Variants in CCAR2 observed in about 807,000 individuals in gnomAD.
The protein encoded by CCAR2 is cell cycle and apoptosis regulator protein 2.
CCAR2 carries 21 observed loss-of-function variants against 108.1 expected under a neutral mutation model. The observed-to-expected ratio is 0.19, with a 90% CI of 0.14 to 0.28. The LOEUF is 0.28. Ranked by LOEUF, CCAR2 falls within the 10% of genes least tolerant of loss-of-function variation. CCAR2 has a pLI of 1.00. For missense variants in CCAR2, 1,126 were observed against 1,177.0 expected, an observed-to-expected ratio of 0.96 and a Z score of 0.63; for synonymous variants, 577 against 472.8, an observed-to-expected ratio of 1.22 and a Z score of -2.86.
At position 22,618,979 on chromosome 8, in the gene CCAR2, C is replaced by T. The variant is rs923048155; in HGVS notation, c.2485C>T (p.Leu829=). 1.2e-6 allele frequency: 2 copies of T among 1,613,262 alleles called. No homozygotes were observed. The highest frequency in any genetic ancestry group is 1.1e-5 in the South Asian group (1 of 91,058). The change falls in exon 19 of 21, where the codon CTA becomes TTA. Residue 829 remains leucine (L), a synonymous_variant. Coordinates refer to ENST00000308511, the MANE Select transcript of CCAR2 (RefSeq NM_001393997.1). ...AEQQDSGRLY[L]ENKIHTLELK... is the part of the protein sequence containing the mutation. ...GCAGCAGGACAGCGGCCGGCTCTAC[C>T]TAGAGAACAAGATCCACACACTGGA...
In CCAR2 at chr8:22,618,894, A is replaced by G. The variant is rs1213430418; in HGVS notation, c.2400A>G (p.Lys800=). The G allele has an allele frequency of 1.2e-6, 2 of 1,613,854 alleles. No individual in the cohort carries two copies. The highest frequency in any genetic ancestry group is 1.6e-4 in the Middle Eastern group (1 of 6,084). Residue 800 remains lysine, a synonymous_variant, in exon 19 of 21, where the codon AAA becomes AAG. Transcript: ENST00000308511. The stretch of plus-strand genomic sequence containing the variant: ...CAGGTGCTGCCCCCACAGAACACAA[A>G]GCCTTGGTGTCCCACAATGGCAGCC... ...TKPGAAPTEH[K]ALVSHNGSLI...
rs772540215 is a variant in CCAR2 at position 22,615,676 on chromosome 8, T to C, written c.1378-6T>C. The C allele has an allele frequency of 6.2e-7, 1 of 1,613,774 alleles. No individual in the cohort carries two copies. The highest frequency in any genetic ancestry group is 1.7e-5 in the Admixed American group (1 of 60,008). ...CCAGAGGGTCTCATTTCAGCTGTTG[T>C]CACAGGAAACGGAGCCTACTGAACA... On this transcript the variant is annotated splice_region_variant and splice_polypyrimidine_tract_variant and intron_variant, in intron 12 of 20. Coordinates refer to ENST00000308511, the MANE Select transcript of CCAR2 (RefSeq NM_001393997.1).
downstream of CCAR2, chr8:22,620,735 T>C (rs1801760164): frequency 2.0e-5 from 3 of 152,386 alleles, no homozygotes; most frequent in Admixed American, 1.3e-4. Context: ...AAAATTTTAC[T>C]TGAAAAAATA....
chr8:22,619,349 G>A lies in CCAR2; in HGVS notation c.2721G>A (p.Val907=), dbSNP rs777644380. Residue 907 remains valine, a synonymous_variant, in exon 20 of 21, where the codon GTG becomes GTA. Transcript: ENST00000308511. ...TPLQLEIQRV[V]EKADSWVEKE... ...TGCAGCTGGAGATCCAGCGGGTGGT[G>A]GAAAAGGTAAGGTGGGGGTGGACCA... is the stretch of plus-strand genomic sequence containing the variant. The A allele has an allele frequency of 5.8e-6, 9 of 1,558,124 alleles. No individual in the cohort carries two copies. In the South Asian group the frequency reaches 9.5e-5, roughly 16 times the overall value.
chr8:22,614,336 A>G (rs201645003), intron 9 of CCAR2, 22 bp downstream of exon 9: 14 of 1,613,778 alleles, frequency 8.7e-6, no homozygotes, highest in African/African-American at 1.3e-5. Context: ...GGCGTCTCTC[A>G]CTTATCTGAT....
At chr8:22,609,603 C>G (rs1801203911) in intron 7 of CCAR2, among the ~76,000 whole-genome samples, 1 of 152,212 alleles carries the variant, frequency 6.6e-6, no homozygotes, top group Admixed American at 6.5e-5. Context: ...TGTTTACCCA[C>G]TCCTCTTGTC....
In CCAR2 at chr8:22,615,733, A is replaced by G. The variant is rs1475463660; in HGVS notation, c.1429A>G (p.Thr477Ala). The change falls in exon 13 of 21, where the codon ACT becomes GCT. Residue 477 changes from threonine to alanine, a missense_variant. This residue lies in a region of CCAR2 where 1,013 missense variants were observed against 993.9 expected (regional missense o/e 1.02). Coordinates refer to ENST00000308511, the MANE Select transcript of CCAR2 (RefSeq NM_001393997.1). ...TGATGCCTTGGAGCAAGCAGCAGACACTTCTAGACGGAACGCAGAAACTCC... is the reference window on the plus strand; with the variant it reads ...TGATGCCTTGGAGCAAGCAGCAGACGCTTCTAGACGGAACGCAGAAACTCC... The part of the protein sequence containing the change: ...APDALEQAAD[T>A]SRRNAETPEA... 12 of 1,613,634 alleles carry G rather than the reference A, an allele frequency of 7.4e-6. No homozygotes were observed. The African/African-American group carries it at 8.0e-5, about 11-fold the overall frequency.
chr8:22,621,430 C>T (rs763135160), downstream of CCAR2: 84 of 1,612,800 alleles, frequency 5.2e-5, no homozygotes, highest in Middle Eastern at 4.9e-4. Flanking sequence ...ATTCAGTCAT[C>T]GGCCACAATG....
At chr8:22,612,875 T>C in intron 7 of CCAR2, 142 bp from the exon 8 acceptor site, 2 of 867,918 alleles carry the variant, frequency 2.3e-6, no homozygotes, top group South Asian at 1.9e-5. Context: ...TATAACATTC[T>C]GTCATATGGC....
intron 7 of CCAR2, among the ~76,000 whole-genome samples, chr8:22,611,672 T>C (rs1801288710): frequency 6.6e-6 from 1 of 152,214 alleles, no homozygotes; most frequent in South Asian, 2.1e-4. Flanking sequence ...TGTGTATTTA[T>C]AAACAGTTTT....
chr8:22,612,975 A>G, intron 7 of CCAR2, 42 bp from the exon 8 acceptor site: 1 of 1,590,562 alleles, frequency 6.3e-7, no homozygotes, highest in Non-Finnish European at 8.5e-7. Context: ...GAATACATAT[A>G]ACAATGTGGT....
At chr8:22,613,917 C>T (rs1801393695) in intron 8 of CCAR2, 175 bp from the exon 9 acceptor site, 2 of 597,966 alleles carry the variant, frequency 3.3e-6, no homozygotes, top group Admixed American at 3.1e-5. Context: ...TGACTTTTGC[C>T]ATCTAGAGTT....
Position 22,612,807 on chromosome 8 carries a change from G to A in CCAR2, c.585-210G>A, listed in dbSNP as rs538331182. ...TACTGTGTATACAATGTTGCAGAGT[G>A]TGCTTTTTGCTTAACAGGAATGTTT... On this transcript the variant is annotated intron_variant, in intron 7 of 20. Transcript: ENST00000308511. 246 of 517,126 alleles carry A rather than the reference G, an allele frequency of 4.8e-4. 5 individuals carry two copies. In the East Asian group the frequency reaches 8.6e-3, roughly 18 times the overall value. The allele number at this position is 517,126 out of a possible 1,614,324, so 32.0% of individuals were successfully genotyped here.
At position 22,617,310 on chromosome 8, in the gene CCAR2, C is replaced by T. The variant is rs556977213; in HGVS notation, c.1846-110C>T. On this transcript the variant is annotated intron_variant, in intron 14 of 20. Transcript: ENST00000308511. ...GAAATGAGACGGTATCTGTAGAGCC[C>T]TCCATACAGTGCCTGGGGCATAGTT... 2.3e-4 allele frequency: 296 copies of T among 1,286,598 alleles called. 1 individual carries two copies. The East Asian group carries it at 6.3e-3, about 27-fold the overall frequency. The allele number at this position is 1,286,598 out of a possible 1,614,324, so 79.7% of individuals were successfully genotyped here. A position where few individuals can be genotyped will look rare whatever the true frequency, so the allele number is the denominator to read the frequency against.
At position 22,614,331 on chromosome 8, in the gene CCAR2, C is replaced by A; in HGVS notation, c.927+17C>A. 1 of 1,614,004 alleles carries A rather than the reference C, an allele frequency of 6.2e-7. No homozygotes were observed. The highest frequency in any genetic ancestry group is 8.5e-7 in the Non-Finnish European group (1 of 1,179,886). On this transcript the variant is annotated intron_variant, in intron 9 of 20. Coordinates refer to ENST00000308511, the MANE Select transcript of CCAR2 (RefSeq NM_001393997.1). ...AGTTCGAAGGTAAGCTGACAGGCGT[C>A]TCTCACTTATCTGATTTCTGGAGGC...
chr8:22,616,249 G>GT lies in CCAR2; in HGVS notation c.1845+2dup, dbSNP rs1403373727. The GT allele has an allele frequency of 6.2e-7, 1 of 1,611,686 alleles. No individual in the cohort carries two copies. Among genetic ancestry groups the GT allele is most frequent in the Non-Finnish European group, 8.5e-7 (1 of 1,179,760 alleles). On this transcript the variant is annotated splice_donor_variant, in intron 14 of 20. Coordinates refer to ENST00000308511, the MANE Select transcript of CCAR2 (RefSeq NM_001393997.1). LOFTEE classifies it high-confidence loss of function. ...GGCTACAGAGTCAGAGGCCCCGCTG[G>GT]TGAGTACCCTGCCACCTCGGGCTGT...
At position 22,616,316 on chromosome 8, in the gene CCAR2, G is replaced by A. The variant is rs1466689919; in HGVS notation, c.1845+68G>A. The A allele has an allele frequency of 2.1e-6, 3 of 1,459,408 alleles. No homozygotes were observed. The African/African-American group carries it at 4.2e-5, about 20-fold the overall frequency. The allele number at this position is 1,459,408 out of a possible 1,614,324, so 90.4% of individuals were successfully genotyped here. A position where few individuals can be genotyped will look rare whatever the true frequency, so the allele number is the denominator to read the frequency against. ...ACCGCGCACCTTTACCCCGGGCTCT[G>A]TTCCGAGCGCTTCCTGTGCCTTAGC... is the stretch of plus-strand genomic sequence containing the variant. On this transcript the variant is annotated intron_variant, in intron 14 of 20. Coordinates refer to ENST00000308511, the MANE Select transcript of CCAR2 (RefSeq NM_001393997.1).
rs1422435079 is a variant in CCAR2 at position 22,606,079 on chromosome 8, C to G, written c.59-6C>G. The G allele has an allele frequency of 2.5e-6, 4 of 1,612,652 alleles. No homozygotes were observed. In the African/African-American group the frequency reaches 5.3e-5, roughly 22 times the overall value. ...GTTCCTGGAGATTGCTTCTCTTTCCCCATAGGCACAGCTTCAACATCTCTT... is the reference window on the plus strand; with the variant it reads ...GTTCCTGGAGATTGCTTCTCTTTCCGCATAGGCACAGCTTCAACATCTCTT... On this transcript the variant is annotated splice_polypyrimidine_tract_variant and splice_region_variant and intron_variant, in intron 2 of 20. Coordinates refer to ENST00000308511, the MANE Select transcript of CCAR2 (RefSeq NM_001393997.1).
At position 22,618,817 on chromosome 8, in the gene CCAR2, TTC is replaced by T; in HGVS notation, c.2333-4_2333-3del. The T allele has an allele frequency of 6.2e-7, 1 of 1,613,236 alleles. No homozygotes were observed. The highest frequency in any genetic ancestry group is 8.5e-7 in the Non-Finnish European group (1 of 1,179,710). On this transcript the variant is annotated splice_region_variant and splice_polypyrimidine_tract_variant and intron_variant, in intron 18 of 20. Transcript: ENST00000308511. ...CTCCATCCTGAATTCTTTTTCACGG[TTC>T]TCTCTAGGAAACCTGGACCTGCTGC...
Sources: allele counts gnomAD v4.1 joint callset (sites outside exome capture counted in the v4.1 genomes callset), GRCh38; gene constraint gnomAD v4.1.1; regional missense constraint gnomAD v4.1.1; transcripts MANE v1.5; gene names NCBI Gene and HGNC (gene_info 2026-07-23, HGNC 2026-07-21).